EIF4G3: variants seen among roughly 807,000 people sequenced by gnomAD.
The protein encoded by EIF4G3 is eukaryotic translation initiation factor 4 gamma 3.
Under a neutral mutation model 186.4 loss-of-function variants are expected in EIF4G3, and 34 were observed. That is an observed-to-expected ratio of 0.18 (90% confidence interval 0.14 to 0.24). EIF4G3 has a LOEUF of 0.24. EIF4G3 is among the 10% of genes least tolerant of loss of function. The pLI is 1.00. For missense variants in EIF4G3, 1,536 were observed against 1,948.5 expected (o/e 0.79, Z 3.99); for synonymous variants, 673 against 679.5 (o/e 0.99, Z 0.15).
rs373434303 is a variant in EIF4G3, at chr1:20,941,513, A to G, written c.1641T>C (p.Asn547=). The G allele has an allele frequency of 1.2e-6, 2 of 1,610,248 alleles. No individual in the cohort carries two copies. The highest frequency in any genetic ancestry group is 2.7e-5 in the African/African-American group (2 of 74,710). ...TACCTGGGACAGGGCTCCTTCTTGA[A>G]TTTAAGTTTTGAGAATCCAAAATCT... The part of the protein sequence containing the change: ...TEEILDSQNL[N]SRRSPVPAQI... Residue 547 remains asparagine, a synonymous_variant, in exon 14 of 37, where the codon AAT becomes AAC. Coordinates refer to ENST00000602326, the MANE Select transcript of EIF4G3 (RefSeq NM_001391906.1).
chr1:20,881,006 C>G (rs191735784), intron 19 of EIF4G3, among the ~76,000 whole-genome samples: 7 of 152,020 alleles, frequency 4.6e-5, no homozygotes, highest in Admixed American at 1.3e-4. Flanking sequence ...CACACAAATA[C>G]AAAACCCTAG....
intron 20 of EIF4G3, among the ~76,000 whole-genome samples, chr1:20,866,554 C>A (rs1175968424): frequency 6.6e-6 from 1 of 152,176 alleles, no homozygotes; most frequent in Non-Finnish European, 1.5e-5. Context: ...ATTTCACAGT[C>A]AGGCCTATTC....
At chr1:21,173,137 CAAAAA>C (rs1193601902) in intron 2 of EIF4G3, among the ~76,000 whole-genome samples, 745 of 29,140 alleles carry the variant, frequency 0.026, 4 homozygotes, top group African/African-American at 0.08. Flanking sequence ...GACTCAATCT[CAAAAA>C]AAAAAAAAAA....
At chr1:20,837,127 G>A (rs970853351) in intron 30 of EIF4G3, among the ~76,000 whole-genome samples, 1 of 152,168 alleles carries the variant, frequency 6.6e-6, no homozygotes, top group Non-Finnish European at 1.5e-5. Flanking sequence ...CTACTTTGCA[G>A]CAGTGCATAC....
At chr1:20,980,797 G>C (rs1570257463) in intron 9 of EIF4G3, among the ~76,000 whole-genome samples, 1 of 152,118 alleles carries the variant, frequency 6.6e-6, no homozygotes, top group East Asian at 1.9e-4. Context: ...AGTTGGTTGT[G>C]GCAAAGGGAT....
intron 34 of EIF4G3, among the ~76,000 whole-genome samples, chr1:20,813,719 C>T (rs1393686492): frequency 1.3e-5 from 2 of 150,076 alleles, no homozygotes; most frequent in African/African-American, 4.9e-5. Context: ...ACACAAAAAT[C>T]AGCTGGGTAT....
At chr1:20,808,353 G>C (rs2058531864) in intron 36 of EIF4G3, among the ~76,000 whole-genome samples, 2 of 152,088 alleles carry the variant, frequency 1.3e-5, no homozygotes, top group Admixed American at 6.6e-5. Flanking sequence ...GAGAAAGGCA[G>C]GATATGCTTT....
chr1:21,113,097 G>A lies in EIF4G3; in HGVS notation c.-271-23884C>T, dbSNP rs574618477. Among the ~76,000 whole-genome samples the A allele has an allele frequency of 2.6e-4, 37 of 140,560 alleles. No homozygotes were observed. In the South Asian group the frequency reaches 5.7e-3, roughly 22 times the overall value. The allele number at this position is 140,560 out of a possible 152,430, so 92.2% of individuals were successfully genotyped here. On this transcript the variant is annotated intron_variant, in intron 2 of 36. Transcript: ENST00000602326. ...AGCCCAGGAGTCGAAGCTGCAGTGAGCTATGATTGCACCACTGTACTCCGG... is the reference window on the plus strand; with the variant it reads ...AGCCCAGGAGTCGAAGCTGCAGTGAACTATGATTGCACCACTGTACTCCGG...
intron 2 of EIF4G3, among the ~76,000 whole-genome samples, chr1:21,106,162 C>T (rs568200304): frequency 4.0e-5 from 6 of 150,774 alleles, no homozygotes; most frequent in Non-Finnish European, 8.8e-5. Context: ...CACTGAGAGG[C>T]TTGTAGGGCC....
At chr1:21,064,394 A>G (rs1008908371) in intron 3 of EIF4G3, 1 of 152,144 alleles carries the variant, frequency 6.6e-6, no homozygotes, top group Non-Finnish European at 1.5e-5. Context: ...GTTTAACTAT[A>G]AATATTTTCT....
At chr1:21,154,573 G>A (rs1335260704) in intron 2 of EIF4G3, among the ~76,000 whole-genome samples, 4 of 152,148 alleles carry the variant, frequency 2.6e-5, no homozygotes, top group Non-Finnish European at 5.9e-5. Context: ...TTGGTTTCCA[G>A]TGAAAGACTA....
intron 12 of EIF4G3, among the ~76,000 whole-genome samples, chr1:20,968,272 T>G (rs767014677): frequency 6.6e-6 from 1 of 151,914 alleles, no homozygotes; most frequent in East Asian, 1.9e-4. Flanking sequence ...CTCCGTCTCC[T>G]GGGTTCAAAC....
intron 9 of EIF4G3, 104 bp downstream of exon 9, chr1:20,980,944 A>T: frequency 1.1e-6 from 1 of 911,364 alleles, no homozygotes. Context: ...TTCACACGTC[A>T]CCGAAAACTA....
At chr1:20,963,835 T>A (rs1304361036) in intron 12 of EIF4G3, among the ~76,000 whole-genome samples, 2 of 151,744 alleles carry the variant, frequency 1.3e-5, no homozygotes, top group African/African-American at 4.8e-5. Context: ...ATGCCTGTAA[T>A]TCCAGCTACT....
intron 2 of EIF4G3, among the ~76,000 whole-genome samples, chr1:21,150,890 C>A (rs951547272): frequency 6.6e-6 from 1 of 152,112 alleles, no homozygotes; most frequent in African/African-American, 2.4e-5. Flanking sequence ...GCAGAAGAAT[C>A]GCTTAAACTC....
At chr1:20,880,777 G>A (rs2082097984) in intron 19 of EIF4G3, among the ~76,000 whole-genome samples, 1 of 152,014 alleles carries the variant, frequency 6.6e-6, no homozygotes, top group African/African-American at 2.4e-5. Flanking sequence ...AAAAAAATAT[G>A]AAAACTATAA....
intron 2 of EIF4G3, among the ~76,000 whole-genome samples, chr1:21,118,110 GTTA>G (rs2096860912): frequency 3.9e-5 from 6 of 152,218 alleles, no homozygotes; most frequent in Admixed American, 3.9e-4. Flanking sequence ...CATTAGAAAA[GTTA>G]TTAAGAAATT....
intron 4 of EIF4G3, among the ~76,000 whole-genome samples, chr1:21,024,140 G>C (rs1262101466): frequency 6.6e-6 from 1 of 150,488 alleles, no homozygotes; most frequent in Non-Finnish European, 1.5e-5. Flanking sequence ...GTCTCCGCCC[G>C]GCAGTCACCC....
At chr1:20,841,670 A>G (rs568801160) in intron 29 of EIF4G3, among the ~76,000 whole-genome samples, 2 of 152,226 alleles carry the variant, frequency 1.3e-5, no homozygotes, top group Non-Finnish European at 2.9e-5. Flanking sequence ...TGTGCTTGTT[A>G]ACTGGTGTTT....
Sources: allele counts gnomAD v4.1 joint callset (sites outside exome capture counted in the v4.1 genomes callset), GRCh38; gene constraint gnomAD v4.1.1; transcripts MANE v1.5; gene names NCBI Gene and HGNC (gene_info 2026-07-23, HGNC 2026-07-21).